Variants in ZNF839 observed in about 807,000 individuals in gnomAD.
ZNF839 encodes zinc finger protein 839, also known as renal carcinoma antigen NY-REN-50.
ZNF839 carries 38 observed loss-of-function variants against 56.4 expected under a neutral mutation model. The ratio of observed to expected loss-of-function variants is 0.67; its 90% CI spans 0.52 to 0.88. ZNF839 has a LOEUF of 0.88. Among genes scored for constraint, ZNF839 ranks in the 40% least tolerant of loss-of-function variants. The pLI is 0.00. For synonymous variants in ZNF839, 486 were observed against 493.5 expected, an observed-to-expected ratio of 0.98 and a Z score of 0.20; for missense variants, 1,091 against 1,177.6, an observed-to-expected ratio of 0.93 and a Z score of 1.08.
chr14:102,329,705 TTGTGTGTG>T (rs58999642), intron 2 of ZNF839, among the ~76,000 whole-genome samples: 3 of 146,816 alleles, frequency 2.0e-5, no homozygotes, highest in African/African-American at 5.2e-5. Flanking sequence ...ATTCTAATAT[TTGTGTGTG>T]TGTGTGTGTG....
chr14:102,341,821 T>C lies in ZNF839; in HGVS notation c.2426T>C (p.Val809Ala), dbSNP rs1458329570. 1 of 1,614,042 alleles carries C rather than the reference T, an allele frequency of 6.2e-7. No individual in the cohort carries two copies. The highest frequency in any genetic ancestry group is 1.6e-4 in the Middle Eastern group (1 of 6,062). Residue 809 changes from valine (V) to alanine (A), a missense_variant, in exon 8 of 8, where the codon GTG becomes GCG. Coordinates refer to ENST00000442396, the MANE Select transcript of ZNF839 (RefSeq NM_018335.6). ...GAGAAAATTTTGTCTGTGGATAGCG[T>C]GGCAGTGGACTGTGCCTACAGGACT... is the stretch of plus-strand genomic sequence containing the variant. ...PLEKILSVDS[V>A]AVDCAYRTVP... is the part of the protein sequence containing the mutation.
intron 3 of ZNF839, among the ~76,000 whole-genome samples, chr14:102,333,520 C>T (rs2073884233): frequency 6.6e-6 from 1 of 152,104 alleles, no homozygotes; most frequent in Non-Finnish European, 1.5e-5. Context: ...GGCTTGGCCT[C>T]CCAAATTGCA....
intron 7 of ZNF839, among the ~76,000 whole-genome samples, chr14:102,339,679 C>T (rs779792536): frequency 1.3e-4 from 19 of 151,774 alleles, no homozygotes; most frequent in Non-Finnish European, 2.4e-4. Context: ...ACCTGGGAGG[C>T]AGGAGGTTGC....
chr14:102,328,627 C>G (rs990007792), intron 2 of ZNF839, among the ~76,000 whole-genome samples: 2 of 151,864 alleles, frequency 1.3e-5, no homozygotes, highest in Admixed American at 6.6e-5. Context: ...AACTAAAACT[C>G]TGTCCCTGTA....
chr14:102,326,729 A>T lies in ZNF839; in HGVS notation c.1033A>T (p.Met345Leu). The T allele has an allele frequency of 1.2e-6, 2 of 1,613,268 alleles. No homozygotes were observed. Among genetic ancestry groups the T allele is most frequent in the African/African-American group, 1.3e-5 (1 of 75,022 alleles). Reference sequence around the variant, plus strand: ...AGGCCACGGCCAGTTGGACCCCGAGATGGTGCTGTCTGAGAAAGCCAGTGG... The same window carrying T: ...AGGCCACGGCCAGTTGGACCCCGAGTTGGTGCTGTCTGAGAAAGCCAGTGG... ...NPGHGQLDPE[M>L]VLSEKASGST... Residue 345 changes from methionine to leucine, a missense_variant, in exon 2 of 8, where the codon ATG becomes TTG. Met to Leu is a conservative substitution (Grantham distance 15). This residue lies in a region of ZNF839 where 614 missense variants were observed against 629.2 expected (regional missense o/e 0.98). Transcript: ENST00000442396. The surrounding 1 kb of genome is among the most constrained non-coding windows in gnomAD (Gnocchi z 4.3).
In ZNF839 at chr14:102,342,102, G is replaced by T. The variant is rs1381269355; in HGVS notation, c.2707G>T (p.Gly903Cys). ...TSDGLILSPP[G>C]TIVSQEEDIV... ...CGATGGGCTTATCTTGTCCCCTCCAGGTACAATAGTGTCTCAGGAGGAGGA... is the reference window on the plus strand; with the variant it reads ...CGATGGGCTTATCTTGTCCCCTCCATGTACAATAGTGTCTCAGGAGGAGGA... Residue 903 changes from glycine to cysteine, a missense_variant, in exon 8 of 8, where the codon GGT (glycine) becomes TGT (cysteine). By Grantham distance (159) the Gly-to-Cys change is radical. Transcript: ENST00000442396. The T allele has an allele frequency of 6.2e-7, 1 of 1,613,956 alleles. No individual in the cohort carries two copies. The highest frequency in any genetic ancestry group is 8.5e-7 in the Non-Finnish European group (1 of 1,179,884).
At chr14:102,333,119 A>C (rs894652278) in intron 3 of ZNF839, among the ~76,000 whole-genome samples, 7 of 152,074 alleles carry the variant, frequency 4.6e-5, no homozygotes, top group African/African-American at 1.7e-4. Context: ...TGAAAGTCTT[A>C]ATTAAACATT....
At chr14:102,330,769 C>T (rs997819430) in intron 2 of ZNF839, among the ~76,000 whole-genome samples, 5 of 152,022 alleles carry the variant, frequency 3.3e-5, no homozygotes, top group African/African-American at 7.2e-5. Flanking sequence ...CCACCCGCCT[C>T]GGCCTCCCAA....
chr14:102,329,320 T>G (rs137948311), intron 2 of ZNF839, among the ~76,000 whole-genome samples: 1 of 152,262 alleles, frequency 6.6e-6, no homozygotes, highest in East Asian at 1.9e-4. Flanking sequence ...TTAAGTGGAA[T>G]TATTTTCTTT....
At chr14:102,319,118 C>T (rs1006759315), upstream of ZNF839, among the ~76,000 whole-genome samples, 30 of 152,172 alleles carry the variant, frequency 2.0e-4, no homozygotes, top group African/African-American at 6.5e-4. The surrounding 1 kb of genome is among the most constrained non-coding windows in gnomAD (Gnocchi z 4.5). Context: ...TTCATTCATT[C>T]GTTCACTCAT....
chr14:102,318,341 C>T (rs2072958557), upstream of ZNF839, among the ~76,000 whole-genome samples: 1 of 152,086 alleles, frequency 6.6e-6, no homozygotes, highest in African/African-American at 2.4e-5. Flanking sequence ...CATGTGAATT[C>T]CTGAAATCTG....
chr14:102,340,332 C>T (rs1328447762), intron 7 of ZNF839, among the ~76,000 whole-genome samples: 1 of 149,090 alleles, frequency 6.7e-6, no homozygotes, highest in Non-Finnish European at 1.5e-5. Flanking sequence ...AGTGCAATGG[C>T]ATGATCTCTG....
rs1438914672 is a variant in ZNF839 at position 102,342,023 on chromosome 14, T to A, written c.2628T>A (p.Asn876Lys). The stretch of plus-strand genomic sequence containing the variant: ...AAGCCATGGCTTTTGAAATTTCCAA[T>A]GGGAGCCATGAGTTACTGTCTCAGG... ...VGEAMAFEIS[N>K]GSHELLSQGQ... Residue 876 changes from asparagine to lysine, a missense_variant, in exon 8 of 8, where the codon AAT (asparagine) becomes AAA (lysine). By Grantham distance (94) the Asn-to-Lys change is moderately conservative (BLOSUM62 0). Coordinates refer to ENST00000442396, the MANE Select transcript of ZNF839 (RefSeq NM_018335.6). The A allele has an allele frequency of 6.2e-7, 1 of 1,613,988 alleles. No homozygotes were observed. Among genetic ancestry groups the A allele is most frequent in the Non-Finnish European group, 8.5e-7 (1 of 1,179,872 alleles).
chr14:102,341,361 TC>T lies in ZNF839; in HGVS notation c.1967del (p.Ser656LeufsTer29). The T allele has an allele frequency of 6.5e-7, 1 of 1,531,112 alleles. No individual in the cohort carries two copies. Among genetic ancestry groups the T allele is most frequent in the Middle Eastern group, 1.8e-4 (1 of 5,654 alleles). 94.8% of individuals were successfully genotyped at this position (1,531,112 alleles called of 1,614,324 possible). On this transcript the variant is annotated frameshift_variant, in exon 8 of 8. Transcript: ENST00000442396. LOFTEE classifies it low-confidence loss of function (END_TRUNC). ...AGTAAATGTGACTGTCTCTCCCCGT[TC>T]TGAAGAAAGCCATACAACGACGGTT... is the stretch of plus-strand genomic sequence containing the variant. ...PPVNVTVSPR[S>X]EESHTTTVSG...
chr14:102,341,070 A>AG (rs1886456768), intron 7 of ZNF839: 1 of 50,058 alleles, frequency 2.0e-5, no homozygotes, highest in Non-Finnish European at 3.2e-5. Flanking sequence ...CTCCATCTCA[A>AG]AAAAAAAAAA....
At chr14:102,337,465 T>A (rs1490921674) in intron 5 of ZNF839, 1 of 152,130 alleles carries the variant, frequency 6.6e-6, no homozygotes, top group African/African-American at 2.4e-5. Context: ...CACCATGCCC[T>A]GCCTTATTTT....
At chr14:102,327,834 C>T (rs950033488) in intron 2 of ZNF839, among the ~76,000 whole-genome samples, 8 of 152,056 alleles carry the variant, frequency 5.3e-5, no homozygotes, top group Non-Finnish European at 7.4e-5. Context: ...GGAATGCATC[C>T]GTCAGCTCTA....
Position 102,326,572 on chromosome 14 carries a change from A to C in ZNF839, c.876A>C (p.Glu292Asp). Reference sequence around the variant, plus strand: ...CAGAACTCTGTGTGGAAGAAGATGAAGATCAGAGGGAGAGGCACGCACTCT... The same window carrying C: ...CAGAACTCTGTGTGGAAGAAGATGACGATCAGAGGGAGAGGCACGCACTCT... ...DYSELCVEED[E>D]DQRERHALFD... Residue 292 changes from glutamate to aspartate, a missense_variant, in exon 2 of 8, where the codon GAA becomes GAC. Physicochemically the swap from Glu to Asp is conservative, Grantham distance 45 (BLOSUM62 2). Transcript: ENST00000442396. This position sits in a 1 kb window ranked among gnomAD's most constrained non-coding sequence, Gnocchi z 4.3. 1 of 1,613,978 alleles carries C rather than the reference A, an allele frequency of 6.2e-7. No individual in the cohort carries two copies. Among genetic ancestry groups the C allele is most frequent in the Non-Finnish European group, 8.5e-7 (1 of 1,179,864 alleles).
At position 102,331,639 on chromosome 14, in the gene ZNF839, C is replaced by T. The variant is rs115710329; in HGVS notation, c.1209C>T (p.Asp403=). 6.8e-4 allele frequency: 1,093 copies of T among 1,611,268 alleles called. 9 individuals carry two copies. In the African/African-American group the frequency reaches 0.012, roughly 18 times the overall value. The change falls in exon 3 of 8, where the codon GAC becomes GAT. Residue 403 remains aspartate (D), a synonymous_variant. Transcript: ENST00000442396. ...CTGTCTAGAATGGTCAGTCTGTAGA[C>T]GTTGAAGAGACATTGCCATCTGAAC... is the stretch of plus-strand genomic sequence containing the variant. ...RGGLQNGQSV[D]VEETLPSEPE...
Sources: allele counts gnomAD v4.1 joint callset (sites outside exome capture counted in the v4.1 genomes callset), GRCh38; gene constraint gnomAD v4.1.1; regional missense constraint gnomAD v4.1.1; non-coding constraint Gnocchi (gnomAD v3.1); transcripts MANE v1.5; gene names NCBI Gene and HGNC (gene_info 2026-07-23, HGNC 2026-07-21).